Variants in STAT3 observed in about 807,000 individuals in gnomAD.
The protein encoded by STAT3 is DNA-binding protein APRF.
Under a neutral mutation model 114.3 loss-of-function variants are expected in STAT3, and 7 were observed. The observed-to-expected ratio is 0.06, with a 90% CI of 0.03 to 0.11. The LOEUF (loss-of-function observed/expected upper bound fraction) is 0.11, where lower values mean the gene tolerates loss of function less well. STAT3 is among the 10% of genes least tolerant of loss of function. STAT3 has a pLI of 1.00. For missense variants in STAT3, 364 were observed against 960.9 expected, an observed-to-expected ratio of 0.38 and a Z score of 8.21; for synonymous variants, 331 against 354.5, an observed-to-expected ratio of 0.93 and a Z score of 0.74.
chr17:42,380,684 C>A (rs1210041525), intron 1 of STAT3, among the ~76,000 whole-genome samples: 3 of 152,162 alleles, frequency 2.0e-5, no homozygotes, highest in Admixed American at 2.0e-4. Context: ...CCACCGCACT[C>A]GGCCTGATAT....
At chr17:42,316,418 G>T in intron 23 of STAT3, 1 of 375,914 alleles carries the variant, frequency 2.7e-6, no homozygotes, top group Non-Finnish European at 5.1e-6. Flanking sequence ...ATATTTTAGA[G>T]ATTTTGGTCA....
chr17:42,322,229 A>C (rs2081513434), intron 21 of STAT3, 53 bp downstream of exon 21: 2 of 1,601,378 alleles, frequency 1.2e-6, no homozygotes, highest in African/African-American at 1.3e-5. Context: ...AGGATCCCAA[A>C]ATTTCCAACT....
At position 42,315,594 on chromosome 17, in the gene STAT3, TG is replaced by T; in HGVS notation, c.*150del. ...TCTCTATTTTTAAAAGTGCCCAGAT[TG>T]CTCAAAGATAGCAGAAGTAGGAGAT... On this transcript the variant is annotated 3_prime_UTR_variant, in exon 24 of 24. Coordinates refer to ENST00000264657, the MANE Select transcript of STAT3 (RefSeq NM_139276.3). 1.3e-6 allele frequency: 1 copy of T among 755,382 alleles called. No individual in the cohort carries two copies. Among genetic ancestry groups the T allele is most frequent in the South Asian group, 1.5e-5 (1 of 67,200 alleles). 46.8% of individuals were successfully genotyped at this position (755,382 alleles called of 1,614,324 possible). A position where few individuals can be genotyped will look rare whatever the true frequency, so the allele number is the denominator to read the frequency against.
chr17:42,322,879 G>C (rs2081538386), intron 20 of STAT3, 125 bp downstream of exon 20: 2 of 1,382,498 alleles, frequency 1.4e-6, no homozygotes, highest in Non-Finnish European at 2.0e-6. Flanking sequence ...TGTTTTGCGA[G>C]TCTGAGTGAA....
At chr17:42,369,872 T>G (rs953050652) in intron 1 of STAT3, among the ~76,000 whole-genome samples, 12 of 152,114 alleles carry the variant, frequency 7.9e-5, no homozygotes, top group African/African-American at 2.7e-4. Context: ...TTGCCCAGGC[T>G]GGTCTCAAAT....
At chr17:42,370,404 C>A (rs1054402267) in intron 1 of STAT3, among the ~76,000 whole-genome samples, 2 of 151,882 alleles carry the variant, frequency 1.3e-5, no homozygotes, top group Non-Finnish European at 2.9e-5. Flanking sequence ...TGCCACCACA[C>A]CTGGCTAATT....
chr17:42,363,591 A>G (rs2083624588), intron 1 of STAT3, among the ~76,000 whole-genome samples: 1 of 150,504 alleles, frequency 6.6e-6, no homozygotes, highest in Non-Finnish European at 1.5e-5. Context: ...TTACAGGCAC[A>G]TGCCACCATG....
At chr17:42,347,184 CAA>C (rs754388828) in intron 2 of STAT3, among the ~76,000 whole-genome samples, 8 of 75,512 alleles carry the variant, frequency 1.1e-4, no homozygotes, top group Admixed American at 1.6e-4. Context: ...GACTCCATCT[CAA>C]AAAAAAAAAA....
intron 1 of STAT3, among the ~76,000 whole-genome samples, chr17:42,350,701 G>T (rs1014252641): frequency 3.9e-5 from 6 of 152,176 alleles, no homozygotes; most frequent in African/African-American, 1.4e-4. Context: ...GAGCTCTCAA[G>T]CATATATTCA....
chr17:42,336,979 ATTTTTATTT>A (rs2082255352), intron 8 of STAT3, among the ~76,000 whole-genome samples: 1 of 151,958 alleles, frequency 6.6e-6, no homozygotes, highest in African/African-American at 2.4e-5. Context: ...ACTTTATTTT[ATTTTTATTT>A]TTTTGAGATG....
intron 21 of STAT3, among the ~76,000 whole-genome samples, chr17:42,320,092 G>A (rs1345045311): frequency 6.6e-6 from 1 of 152,150 alleles, no homozygotes; most frequent in Non-Finnish European, 1.5e-5. Context: ...GGACCCCAAC[G>A]TCCTCTGCAG....
At position 42,315,698 on chromosome 17, in the gene STAT3, G is replaced by T; in HGVS notation, c.*47C>A. ...GCTGTGTGAGGGGTGGCAGAATGCA[G>T]GTAGGCGCCTCAGTCGTATCTTTCT... On this transcript the variant is annotated 3_prime_UTR_variant, in exon 24 of 24. Transcript: ENST00000264657. 1 of 1,586,778 alleles carries T rather than the reference G, an allele frequency of 6.3e-7. No individual in the cohort carries two copies. The highest frequency in any genetic ancestry group is 8.7e-7 in the Non-Finnish European group (1 of 1,155,120).
intron 11 of STAT3, 81 bp downstream of exon 11, chr17:42,331,391 C>T (rs1444227579): frequency 8.0e-7 from 1 of 1,257,324 alleles, no homozygotes; most frequent in Admixed American, 1.8e-5. Flanking sequence ...AAGACAGAGT[C>T]TCTAGTTCAA....
chr17:42,382,642 C>CCTTTTTTTTTT (rs1398124033), intron 1 of STAT3, among the ~76,000 whole-genome samples: 1 of 151,582 alleles, frequency 6.6e-6, no homozygotes, highest in Non-Finnish European at 1.5e-5. Flanking sequence ...TTGCGGTAAT[C>CCTTTTTTTTTT]CTTTTTTTTT....
chr17:42,316,274 C>CA (rs2081246637), intron 23 of STAT3: 2 of 345,034 alleles, frequency 5.8e-6, no homozygotes, highest in African/African-American at 4.3e-5. Context: ...CTCACTCTGT[C>CA]GCCCAGGCTG....
At chr17:42,338,446 TGAGGGAATACTCCTG>T (rs2082309490) in intron 6 of STAT3, among the ~76,000 whole-genome samples, 3 of 3,108 alleles carry the variant, frequency 9.7e-4, no homozygotes, top group Admixed American at 6.0e-3. Flanking sequence ...CTCCTGGACC[TGAGGGAATACTCCTG>T]GACCTGAGGG....
chr17:42,357,142 GT>G (rs1204324904), intron 1 of STAT3, among the ~76,000 whole-genome samples: 1 of 152,048 alleles, frequency 6.6e-6, no homozygotes, highest in Non-Finnish European at 1.5e-5. Context: ...TTCTATTGGT[GT>G]TTTCAATACA....
intron 11 of STAT3, among the ~76,000 whole-genome samples, chr17:42,330,407 C>T (rs576856240): frequency 1.1e-3 from 171 of 150,560 alleles, no homozygotes; most frequent in Admixed American, 3.9e-3. Flanking sequence ...TGAGCCACCG[C>T]GCCCAGCCAC....
chr17:42,338,838 A>T, intron 5 of STAT3, 26 bp from the exon 6 acceptor site: 3 of 1,576,472 alleles, frequency 1.9e-6, no homozygotes, highest in Non-Finnish European at 2.6e-6. Context: ...AAACAAAAAA[A>T]CAGAAGTAAA....
Sources: allele counts gnomAD v4.1 joint callset (sites outside exome capture counted in the v4.1 genomes callset), GRCh38; gene constraint gnomAD v4.1.1; transcripts MANE v1.5; gene names NCBI Gene and HGNC (gene_info 2026-07-23, HGNC 2026-07-21).